The following PTPRB variants were observed in gnomAD, a reference collection of about 807,000 sequenced individuals.
PTPRB encodes protein tyrosine phosphatase receptor type B, also known as receptor-type tyrosine-protein phosphatase beta.
Under a neutral mutation model 238.1 loss-of-function variants are expected in PTPRB, and 97 were observed. That is an observed-to-expected ratio of 0.41 (90% CI 0.35 to 0.48). The LOEUF (loss-of-function observed/expected upper bound fraction) is 0.48, where lower values mean the gene tolerates loss of function less well. PTPRB is among the 20% of genes least tolerant of loss of function. PTPRB has a pLI of 0.30. For synonymous variants in PTPRB, 970 were observed against 995.4 expected (o/e 0.97, Z 0.48); for missense variants, 2,292 against 2,681.9 (o/e 0.85, Z 3.21).
chr12:70,559,238 C>A, intron 18 of PTPRB, 105 bp downstream of exon 18: 1 of 1,239,976 alleles, frequency 8.1e-7, no homozygotes, highest in East Asian at 2.3e-5. Flanking sequence ...CCAGACCAAT[C>A]CCATGTAAAA....
chr12:70,596,364 A>C, intron 4 of PTPRB, 37 bp from the exon 5 acceptor site: 2 of 1,336,456 alleles, frequency 1.5e-6, no homozygotes, highest in African/African-American at 3.0e-5. Flanking sequence ...CAAAAAAAAA[A>C]AAGAAAGAAA....
intron 4 of PTPRB, among the ~76,000 whole-genome samples, chr12:70,599,730 T>A (rs1454232817): frequency 6.6e-6 from 1 of 152,206 alleles, no homozygotes; most frequent in East Asian, 1.9e-4. Context: ...AACACAATTT[T>A]TCTTTTCTCA....
At chr12:70,624,254 C>G (rs1173236990) in intron 2 of PTPRB, among the ~76,000 whole-genome samples, 1 of 152,054 alleles carries the variant, frequency 6.6e-6, no homozygotes, top group Non-Finnish European at 1.5e-5. Context: ...TATACTTATA[C>G]TAAAGATTAT....
In PTPRB at chr12:70,594,660, G is replaced by A. The variant is rs375038600; in HGVS notation, c.1323C>T (p.Ser441=). 2.5e-5 allele frequency: 40 copies of A among 1,613,824 alleles called. No homozygotes were observed. Among genetic ancestry groups the A allele is most frequent in the Non-Finnish European group, 3.3e-5 (39 of 1,179,884 alleles). Residue 441 remains serine, a synonymous_variant, in exon 6 of 34, where the codon TCC becomes TCT. Coordinates refer to ENST00000334414, the MANE Select transcript of PTPRB (RefSeq NM_001109754.4). The part of the protein sequence containing the change: ...TKANSLLISW[S]HGSGNVERYR... ...ATCGTTCCACATTCCCAGAACCATG[G>A]GACCAGGAAATCAGGAGAGAATTGG...
intron 3 of PTPRB, chr12:70,609,775 G>C: frequency 6.3e-7 from 1 of 1,586,368 alleles, no homozygotes; most frequent in Non-Finnish European, 8.6e-7. Flanking sequence ...AGCAGGCTCA[G>C]TGTGATCCAC....
intron 2 of PTPRB, among the ~76,000 whole-genome samples, chr12:70,634,131 T>G (rs936691013): frequency 6.6e-6 from 1 of 152,212 alleles, no homozygotes; most frequent in African/African-American, 2.4e-5. Context: ...AGCATACCAC[T>G]TATTGTAGAA....
At position 70,571,259 on chromosome 12, in the gene PTPRB, C is replaced by A; in HGVS notation, c.3137G>T (p.Arg1046Leu). 1.9e-6 allele frequency: 3 copies of A among 1,607,854 alleles called. No individual in the cohort carries two copies. Among genetic ancestry groups the A allele is most frequent in the Non-Finnish European group, 1.7e-6 (2 of 1,174,426 alleles). ...IPEPVKDLTL[R>L]NRSTEDLHVT... is the part of the protein sequence containing the mutation. ...ATGCAAGTCCTCAGTGCTCCTGTTG[C>A]GCAATGTTAGATCCTTAACAGGCTC... Residue 1046 changes from arginine to leucine, a missense_variant, in exon 13 of 34, where the codon CGC becomes CTC. Arg to Leu is a moderately radical substitution (Grantham distance 102). Coordinates refer to ENST00000334414, the MANE Select transcript of PTPRB (RefSeq NM_001109754.4).
intron 3 of PTPRB, among the ~76,000 whole-genome samples, chr12:70,614,694 G>T (rs1884602683): frequency 6.6e-6 from 1 of 152,050 alleles, no homozygotes; most frequent in Non-Finnish European, 1.5e-5. Flanking sequence ...CAAACCTCAG[G>T]TATTTATTAG....
At chr12:70,632,288 A>G (rs939255287) in intron 2 of PTPRB, among the ~76,000 whole-genome samples, 1 of 152,218 alleles carries the variant, frequency 6.6e-6, no homozygotes, top group African/African-American at 2.4e-5. Flanking sequence ...AGGGACATGG[A>G]TGAAGCTGGA....
chr12:70,541,010 G>A, intron 22 of PTPRB, 53 bp from the exon 23 acceptor site: 4 of 1,413,008 alleles, frequency 2.8e-6, no homozygotes, highest in Non-Finnish European at 3.9e-6. Context: ...TTAGTGCTAG[G>A]GAACCAGTAA....
At chr12:70,573,016 A>C (rs963155175) in intron 11 of PTPRB, among the ~76,000 whole-genome samples, 1 of 152,040 alleles carries the variant, frequency 6.6e-6, no homozygotes, top group African/African-American at 2.4e-5. Context: ...ACATATACAC[A>C]CATACACACA....
At chr12:70,620,509 CACTT>C (rs143297326) in intron 3 of PTPRB, among the ~76,000 whole-genome samples, 2,236 of 152,236 alleles carry the variant, frequency 0.015, 54 homozygotes, top group African/African-American at 0.05. Flanking sequence ...TTATTTGACA[CACTT>C]AATTTTTTTT....
intron 2 of PTPRB, among the ~76,000 whole-genome samples, chr12:70,625,844 G>A (rs1363537928): frequency 6.6e-6 from 1 of 152,056 alleles, no homozygotes; most frequent in Non-Finnish European, 1.5e-5. Flanking sequence ...TCAAGGTAAG[G>A]TCGACCATTC....
intron 21 of PTPRB, among the ~76,000 whole-genome samples, chr12:70,549,330 C>A (rs1876537626): frequency 6.6e-6 from 1 of 152,158 alleles, no homozygotes; most frequent in Non-Finnish European, 1.5e-5. Context: ...GAGAAGCTGA[C>A]CACCTTACTA....
chr12:70,569,462 G>C (rs1180416698), intron 14 of PTPRB, among the ~76,000 whole-genome samples: 1 of 152,126 alleles, frequency 6.6e-6, no homozygotes, highest in Non-Finnish European at 1.5e-5. Context: ...GTGTTCAAAT[G>C]ATTTGGTTTC....
intron 17 of PTPRB, 81 bp from the exon 18 acceptor site, chr12:70,559,705 G>C (rs1204244929): frequency 1.5e-6 from 2 of 1,308,334 alleles, no homozygotes; most frequent in African/African-American, 1.5e-5. Flanking sequence ...AGCAACATCA[G>C]ACACACTTTT....
At chr12:70,603,496 A>G (rs770092112) in intron 4 of PTPRB, among the ~76,000 whole-genome samples, 1 of 152,238 alleles carries the variant, frequency 6.6e-6, no homozygotes, top group African/African-American at 2.4e-5. Flanking sequence ...CTTAAAAATA[A>G]TATACTTTTC....
intron 20 of PTPRB, 30 bp from the exon 21 acceptor site, chr12:70,553,050 GC>G (rs777410144): frequency 6.3e-7 from 1 of 1,594,548 alleles, no homozygotes. Flanking sequence ...GTTAAGGACT[GC>G]CTTTCTTGTG....
At chr12:70,524,983 G>A (rs1872206221) in intron 32 of PTPRB, among the ~76,000 whole-genome samples, 1 of 137,866 alleles carries the variant, frequency 7.3e-6, no homozygotes, top group East Asian at 2.0e-4. Flanking sequence ...GTGTGTGTGT[G>A]TGTGTGTATA....
Sources: allele counts gnomAD v4.1 joint callset (sites outside exome capture counted in the v4.1 genomes callset), GRCh38; gene constraint gnomAD v4.1.1; transcripts MANE v1.5; gene names NCBI Gene and HGNC (gene_info 2026-07-23, HGNC 2026-07-21).